The following PTPRN2 variants were observed in gnomAD, a reference collection of about 807,000 sequenced individuals.
PTPRN2 encodes receptor-type tyrosine-protein phosphatase N2.
PTPRN2 carries 74 observed loss-of-function variants against 118.8 expected under a neutral mutation model. That is an observed-to-expected ratio of 0.62 (90% CI 0.52 to 0.76). The LOEUF (loss-of-function observed/expected upper bound fraction) is 0.76, where lower values mean the gene tolerates loss of function less well. Ranked by LOEUF, PTPRN2 falls within the 30% of genes least tolerant of loss-of-function variation. The pLI, the probability that PTPRN2 is intolerant of heterozygous loss-of-function variation, is 0.00. For missense variants in PTPRN2, 1,481 were observed against 1,394.4 expected, an observed-to-expected ratio of 1.06 and a Z score of -0.99; for synonymous variants, 641 against 608.0, an observed-to-expected ratio of 1.05 and a Z score of -0.80.
intron 1 of PTPRN2, among the ~76,000 whole-genome samples, chr7:158,493,064 C>T (rs1039956765): frequency 4.6e-5 from 7 of 152,232 alleles, no homozygotes; most frequent in African/African-American, 1.4e-4. Flanking sequence ...GTATTATCCA[C>T]CCTTTTGCAT....
At chr7:158,065,879 A>T (rs1257760241) in intron 11 of PTPRN2, among the ~76,000 whole-genome samples, 1 of 152,234 alleles carries the variant, frequency 6.6e-6, no homozygotes. Context: ...ATTTTAGAAT[A>T]AGAAATTATG....
At chr7:157,888,554 A>AC (rs1377457783) in intron 12 of PTPRN2, among the ~76,000 whole-genome samples, 5 of 59,532 alleles carry the variant, frequency 8.4e-5, no homozygotes, top group African/African-American at 2.0e-4. Context: ...GCGCCCCCCC[A>AC]CCCCCCAACA....
intron 3 of PTPRN2, among the ~76,000 whole-genome samples, chr7:158,300,517 G>A (rs369961086): frequency 1.0e-3 from 22 of 21,922 alleles, no homozygotes; most frequent in African/African-American, 2.0e-3. Context: ...GACGTGGTGC[G>A]CGCACCTGCA....
At chr7:158,581,594 CCT>C (rs1828630290) in intron 1 of PTPRN2, among the ~76,000 whole-genome samples, 1 of 152,166 alleles carries the variant, frequency 6.6e-6, no homozygotes, top group African/African-American at 2.4e-5. Context: ...TAGTTCATCC[CCT>C]GTCACCTGCC....
In PTPRN2 at chr7:157,903,184, T is replaced by C. The variant is rs1453833110; in HGVS notation, c.1724-4447A>G. ...GAACTACACTCATCAGAGAACCACA[T>C]GCGCTCACATGGAAGTGGGGACCAG... is the stretch of plus-strand genomic sequence containing the variant. On this transcript the variant is annotated intron_variant, in intron 11 of 22. Transcript: ENST00000389418. The surrounding 1 kb of genome is among the most constrained non-coding windows in gnomAD (Gnocchi z 4.2). Among the ~76,000 whole-genome samples the C allele has an allele frequency of 1.3e-5, 2 of 151,946 alleles. No individual in the cohort carries two copies. The highest frequency in any genetic ancestry group is 2.9e-5 in the Non-Finnish European group (2 of 68,006).
At chr7:157,758,146 C>T (rs934234276) in intron 12 of PTPRN2, among the ~76,000 whole-genome samples, 10 of 152,210 alleles carry the variant, frequency 6.6e-5, no homozygotes, top group African/African-American at 2.4e-4. Context: ...CCCCGTAGCT[C>T]CCGGCGTGGC....
intron 12 of PTPRN2, among the ~76,000 whole-genome samples, chr7:157,821,935 C>T (rs962885224): frequency 2.6e-5 from 4 of 152,052 alleles, no homozygotes; most frequent in Non-Finnish European, 5.9e-5. Context: ...TATACACTAT[C>T]CATCATCCAT....
chr7:158,011,329 C>T (rs1278583234), intron 11 of PTPRN2, among the ~76,000 whole-genome samples: 1 of 152,200 alleles, frequency 6.6e-6, no homozygotes. Context: ...TTGGTAGAGG[C>T]CTCTTCTCTA....
At position 158,555,846 on chromosome 7, in the gene PTPRN2, G is replaced by A. The variant is rs189255887; in HGVS notation, c.112+31712C>T. ...GATGATGAAGACACATCCTATCTTC[G>A]AGGACCCAGCTCGCAGAGAACAAAA... is the stretch of plus-strand genomic sequence containing the variant. On this transcript the variant is annotated intron_variant, in intron 1 of 22. Coordinates refer to ENST00000389418, the MANE Select transcript of PTPRN2 (RefSeq NM_002847.5). This position sits in a 1 kb window ranked among gnomAD's most constrained non-coding sequence, Gnocchi z 4.7. 4.0e-5 allele frequency among the ~76,000 whole-genome samples: 6 copies of A among 151,796 alleles called. No individual in the cohort carries two copies. The East Asian group carries it at 9.8e-4, about 25-fold the overall frequency.
intron 2 of PTPRN2, among the ~76,000 whole-genome samples, chr7:158,440,307 A>G (rs1252766410): frequency 6.6e-6 from 1 of 152,228 alleles, no homozygotes; most frequent in Non-Finnish European, 1.5e-5. Context: ...CGGGCTTCAA[A>G]TCAGAGGCTG....
At chr7:158,182,028 C>A (rs1055843833) in intron 5 of PTPRN2, among the ~76,000 whole-genome samples, 1 of 152,192 alleles carries the variant, frequency 6.6e-6, no homozygotes, top group Non-Finnish European at 1.5e-5. Flanking sequence ...CTCTTTCAGA[C>A]TTTCTGATAT....
chr7:157,723,876 G>A (rs1207894786), intron 12 of PTPRN2, among the ~76,000 whole-genome samples: 3 of 152,156 alleles, frequency 2.0e-5, no homozygotes, highest in Admixed American at 1.3e-4. Context: ...AGACTTCCAC[G>A]CTGCACACAA....
chr7:157,597,165 C>T (rs1323966863), intron 16 of PTPRN2, among the ~76,000 whole-genome samples: 1 of 152,144 alleles, frequency 6.6e-6, no homozygotes, highest in Non-Finnish European at 1.5e-5. Context: ...CAGAACAACA[C>T]GGTGACGCTA....
intron 14 of PTPRN2, among the ~76,000 whole-genome samples, chr7:157,631,689 A>C (rs570742012): frequency 2.0e-5 from 3 of 152,170 alleles, no homozygotes; most frequent in Non-Finnish European, 4.4e-5. Context: ...AAAATTAGCC[A>C]GGCGTGGTGG....
At chr7:158,358,708 G>A (rs1047142253) in intron 2 of PTPRN2, among the ~76,000 whole-genome samples, 62 of 152,196 alleles carry the variant, frequency 4.1e-4, no homozygotes, top group Admixed American at 2.4e-3. Context: ...GGCTGCAGCC[G>A]GGCACATGCT....
intron 3 of PTPRN2, among the ~76,000 whole-genome samples, chr7:158,311,054 G>A (rs1437931277): frequency 6.6e-6 from 1 of 152,150 alleles, no homozygotes; most frequent in Non-Finnish European, 1.5e-5. Flanking sequence ...AAGCTCCAAG[G>A]GCCCAGGATG....
At chr7:157,668,776 A>G (rs1396761449) in intron 13 of PTPRN2, among the ~76,000 whole-genome samples, 1 of 152,260 alleles carries the variant, frequency 6.6e-6, no homozygotes, top group East Asian at 1.9e-4. Context: ...GCACGTGACG[A>G]CAGGAAATCT....
chr7:158,419,984 ATC>A (rs1281568702), intron 2 of PTPRN2, among the ~76,000 whole-genome samples: 1 of 152,172 alleles, frequency 6.6e-6, no homozygotes, highest in Non-Finnish European at 1.5e-5. Context: ...CTCAACAGGC[ATC>A]TGTTGAAACT....
At chr7:157,548,096 A>C (rs1218436766) in intron 22 of PTPRN2, among the ~76,000 whole-genome samples, 1 of 152,058 alleles carries the variant, frequency 6.6e-6, no homozygotes, top group South Asian at 2.1e-4. Flanking sequence ...CATTTTATTT[A>C]TATTTTTTGC....
Sources: allele counts gnomAD v4.1 joint callset (sites outside exome capture counted in the v4.1 genomes callset), GRCh38; gene constraint gnomAD v4.1.1; non-coding constraint Gnocchi (gnomAD v3.1); transcripts MANE v1.5; gene names NCBI Gene and HGNC (gene_info 2026-07-23, HGNC 2026-07-21).